The following FBXW11 variants were observed in gnomAD, a reference collection of about 807,000 sequenced individuals.
The protein encoded by FBXW11 is F-box/WD repeat-containing protein 11.
FBXW11 carries 19 observed loss-of-function variants against 77.6 expected under a neutral mutation model. The ratio of observed to expected loss-of-function variants is 0.24; its 90% confidence interval spans 0.17 to 0.36. The LOEUF is 0.36. Ranked by LOEUF, FBXW11 falls within the 10% of genes least tolerant of loss-of-function variation. The probability of loss-of-function intolerance (pLI) is 1.00; values close to 1 mark genes in which losing one functional copy is unlikely to be tolerated. For synonymous variants in FBXW11, 235 were observed against 249.4 expected, an observed-to-expected ratio of 0.94 and a Z score of 0.54; for missense variants, 334 against 704.2, an observed-to-expected ratio of 0.47 and a Z score of 5.95.
intron 4 of FBXW11, among the ~76,000 whole-genome samples, chr5:171,903,852 T>C (rs778154524): frequency 9.2e-5 from 14 of 152,162 alleles, no homozygotes; most frequent in Non-Finnish European, 1.9e-4. Context: ...AGGATCTCAC[T>C]ATGTTGCCCA....
chr5:171,984,348 CTTTTAACCAATCTCTGT>C (rs1377645448), intron 1 of FBXW11, among the ~76,000 whole-genome samples: 6 of 152,216 alleles, frequency 3.9e-5, no homozygotes, highest in Non-Finnish European at 7.3e-5. Flanking sequence ...TACAAATGCT[CTTTTAACCAATCTCTGT>C]TTATCCTCCA....
At chr5:171,982,099 T>C (rs1182833923) in intron 1 of FBXW11, among the ~76,000 whole-genome samples, 1 of 152,194 alleles carries the variant, frequency 6.6e-6, no homozygotes, top group Non-Finnish European at 1.5e-5. Flanking sequence ...GTAGTGGTTA[T>C]GTGAGTATAT....
intron 11 of FBXW11, among the ~76,000 whole-genome samples, chr5:171,870,457 C>T (rs1757689716): frequency 6.6e-6 from 1 of 151,978 alleles, no homozygotes; most frequent in African/African-American, 2.4e-5. Flanking sequence ...AAGTCAATAC[C>T]CCCACATCAA....
At chr5:171,960,489 G>A (rs1016873484) in intron 1 of FBXW11, among the ~76,000 whole-genome samples, 4 of 152,182 alleles carry the variant, frequency 2.6e-5, no homozygotes, top group South Asian at 4.1e-4. Context: ...GGTTCCCTCT[G>A]CAAGGGTTAA....
chr5:171,898,273 G>C (rs1165129815), intron 6 of FBXW11, among the ~76,000 whole-genome samples: 1 of 152,186 alleles, frequency 6.6e-6, no homozygotes, highest in Non-Finnish European at 1.5e-5. Context: ...GGGTGATATT[G>C]CATTGCCTAG....
rs1029426399 is a variant in FBXW11 at position 171,866,117 on chromosome 5, C to A, written c.*26-2016G>T. Among the ~76,000 whole-genome samples, 5 of 152,048 alleles carry A rather than the reference C, an allele frequency of 3.3e-5. No individual in the cohort carries two copies. In the East Asian group the frequency reaches 9.7e-4, roughly 29 times the overall value. On this transcript the variant is annotated intron_variant, in intron 13 of 13. Transcript: ENST00000517395. ...CCATCTCCATTAAAAATACAAAAATCAGCTGGGTGTGATGGCACATGCCTG... is the reference window on the plus strand; with the variant it reads ...CCATCTCCATTAAAAATACAAAAATAAGCTGGGTGTGATGGCACATGCCTG...
At chr5:171,968,648 T>G (rs1419737445) in intron 1 of FBXW11, among the ~76,000 whole-genome samples, 1 of 152,150 alleles carries the variant, frequency 6.6e-6, no homozygotes, top group Non-Finnish European at 1.5e-5. Context: ...TGAGAGGTCT[T>G]CCAGGTGACA....
intron 1 of FBXW11, among the ~76,000 whole-genome samples, chr5:172,004,127 CAGAA>C (rs774958344): frequency 7.2e-5 from 11 of 152,144 alleles, no homozygotes; most frequent in Admixed American, 2.6e-4. Context: ...GCAGTGAAAA[CAGAA>C]AGCCACATGC....
At chr5:171,916,256 A>AG (rs1329498481) in intron 2 of FBXW11, among the ~76,000 whole-genome samples, 1 of 142,124 alleles carries the variant, frequency 7.0e-6, no homozygotes, top group Non-Finnish European at 1.5e-5. Flanking sequence ...AAAAATGAGA[A>AG]AAAAAAAAAA....
At chr5:171,889,024 TA>T (rs1424858391) in intron 7 of FBXW11, among the ~76,000 whole-genome samples, 9 of 152,104 alleles carry the variant, frequency 5.9e-5, no homozygotes, top group Admixed American at 4.6e-4. Flanking sequence ...TATCAAAAGA[TA>T]TAGTATTTAT....
intron 2 of FBXW11, among the ~76,000 whole-genome samples, chr5:171,916,144 C>T (rs1470335988): frequency 4.0e-5 from 6 of 149,632 alleles, no homozygotes; most frequent in South Asian, 2.1e-4. Flanking sequence ...ATGTAAATGA[C>T]GAGTTAATGG....
intron 2 of FBXW11, among the ~76,000 whole-genome samples, chr5:171,922,864 C>T (rs774889959): frequency 3.3e-5 from 5 of 151,984 alleles, no homozygotes; most frequent in East Asian, 1.9e-4. Flanking sequence ...TGAATGTGGA[C>T]GAATGTTTTT....
chr5:171,941,214 G>C (rs1581232280), intron 2 of FBXW11, among the ~76,000 whole-genome samples: 1 of 152,164 alleles, frequency 6.6e-6, no homozygotes, highest in Non-Finnish European at 1.5e-5. Context: ...TCAATATTAT[G>C]TACTACCTGA....
At chr5:171,925,439 A>C (rs1368063475) in intron 2 of FBXW11, among the ~76,000 whole-genome samples, 1 of 152,154 alleles carries the variant, frequency 6.6e-6, no homozygotes, top group Admixed American at 6.5e-5. Context: ...AACAAAAAAA[A>C]CAGTATCTGG....
At chr5:171,910,038 A>G (rs1350354233) in intron 4 of FBXW11, among the ~76,000 whole-genome samples, 1 of 151,462 alleles carries the variant, frequency 6.6e-6, no homozygotes, top group Non-Finnish European at 1.5e-5. Flanking sequence ...AAATGAAGCA[A>G]CAGTTATGAC....
At chr5:172,006,107 A>G (rs1366816521) in intron 1 of FBXW11, among the ~76,000 whole-genome samples, 1 of 152,084 alleles carries the variant, frequency 6.6e-6, no homozygotes, top group African/African-American at 2.4e-5. Flanking sequence ...GAAACAGAGG[A>G]AAGAAAAAAA....
intron 2 of FBXW11, among the ~76,000 whole-genome samples, chr5:171,934,097 T>C (rs1378894650): frequency 1.3e-5 from 2 of 152,224 alleles, no homozygotes; most frequent in Non-Finnish European, 2.9e-5. Context: ...ATTAATTCAC[T>C]ATATACAATG....
intron 11 of FBXW11, among the ~76,000 whole-genome samples, chr5:171,870,234 C>A (rs937121367): frequency 3.3e-5 from 5 of 152,010 alleles, no homozygotes; most frequent in Non-Finnish European, 4.4e-5. Flanking sequence ...ACAAACAGAC[C>A]AACTAACCCA....
intron 1 of FBXW11, among the ~76,000 whole-genome samples, chr5:171,967,155 T>G (rs1764233995): frequency 6.6e-6 from 1 of 152,238 alleles, no homozygotes; most frequent in Non-Finnish European, 1.5e-5. Flanking sequence ...ATCTCTGGTA[T>G]GCAACTCTGC....
Sources: allele counts gnomAD v4.1 joint callset (sites outside exome capture counted in the v4.1 genomes callset), GRCh38; gene constraint gnomAD v4.1.1; transcripts MANE v1.5; gene names NCBI Gene and HGNC (gene_info 2026-07-23, HGNC 2026-07-21).